PHF24: variants seen among roughly 807,000 people sequenced by gnomAD.
The protein encoded by PHF24 is PHD finger protein 24, also known as Galpha inhibitory interacting protein.
A neutral mutation model predicts 42.6 loss-of-function variants in PHF24; 25 were observed. The observed-to-expected ratio is 0.59, with a 90% confidence interval of 0.43 to 0.82. The LOEUF (loss-of-function observed/expected upper bound fraction) is 0.82. PHF24 is among the 40% of genes least tolerant of loss of function. The pLI is 0.00. For synonymous variants in PHF24, 185 were observed against 204.8 expected, an observed-to-expected ratio of 0.90 and a Z score of 0.83; for missense variants, 470 against 538.1, an observed-to-expected ratio of 0.87 and a Z score of 1.25.
chr9:34,977,175 A>G (rs1322397081), exon 6 of PHF24: 4 of 1,613,934 alleles, frequency 2.5e-6, no homozygotes, highest in Non-Finnish European at 3.4e-6. Context: ...TCAGTGAGGC[A>G]GAGTGCCGCC....
chr9:34,865,354 A>G, the PHF24 span, among the ~76,000 whole-genome samples: 2 of 150,950 alleles, frequency 1.3e-5, no homozygotes, highest in East Asian at 2.0e-4. Flanking sequence ...ACCTGAGGTC[A>G]GGAGTTTGAG....
At chr9:34,687,211 A>G in the PHF24 span, among the ~76,000 whole-genome samples, 2 of 152,280 alleles carry the variant, frequency 1.3e-5, no homozygotes, top group African/African-American at 4.8e-5. Flanking sequence ...TCCAGGGTCA[A>G]TTGAATCCAA....
chr9:34,978,071 G>A (rs945096374), exon 8 of PHF24: 5 of 1,614,114 alleles, frequency 3.1e-6, no homozygotes, highest in East Asian at 2.2e-5. Flanking sequence ...CTGGCTGCTC[G>A]CCCCAACAGC....
exon 2 of PHF24, chr9:34,971,311 A>T: frequency 6.2e-7 from 1 of 1,604,204 alleles, no homozygotes; most frequent in Non-Finnish European, 8.5e-7. Flanking sequence ...GGGGGTGTTG[A>T]TGTCCAAGCG....
At chr9:34,718,672 G>A in the PHF24 span, among the ~76,000 whole-genome samples, 10 of 152,228 alleles carry the variant, frequency 6.6e-5, no homozygotes, top group Non-Finnish European at 1.5e-4. Flanking sequence ...GGTGCAGGAA[G>A]CAGTGTCTCC....
chr9:34,967,045 T>A (rs951893161), intron 1 of PHF24, among the ~76,000 whole-genome samples: 2 of 147,958 alleles, frequency 1.4e-5, no homozygotes, highest in East Asian at 3.9e-4. Flanking sequence ...CCTAGCTAAA[T>A]TTTTTTTTTT....
upstream of PHF24, among the ~76,000 whole-genome samples, chr9:34,954,347 T>G (rs1826322712): frequency 6.6e-6 from 1 of 152,168 alleles, no homozygotes; most frequent in Non-Finnish European, 1.5e-5. Flanking sequence ...TTGCACCAAC[T>G]TTGGTTGGGT....
the PHF24 span, among the ~76,000 whole-genome samples, chr9:34,714,449 C>T: frequency 6.6e-6 from 1 of 152,220 alleles, no homozygotes; most frequent in South Asian, 2.1e-4. Context: ...TGCTTCCAAA[C>T]TTGGCTGCAC....
chr9:34,917,652 C>A, the PHF24 span: 1 of 778,720 alleles, frequency 1.3e-6, no homozygotes, highest in Non-Finnish European at 2.4e-6. Context: ...GGGCCTCAGA[C>A]TCCATATTAC....
At chr9:34,956,673 A>G (rs1826381485), upstream of PHF24, among the ~76,000 whole-genome samples, 1 of 152,238 alleles carries the variant, frequency 6.6e-6, no homozygotes, top group South Asian at 2.1e-4. Context: ...CTTACTAAAA[A>G]CAGTTCAGAG....
the PHF24 span, among the ~76,000 whole-genome samples, chr9:34,909,714 C>T: frequency 2.3e-4 from 35 of 152,012 alleles, no homozygotes; most frequent in African/African-American, 7.7e-4. Context: ...CTCCGCCTCC[C>T]GGGCTCACGC....
chr9:34,754,583 A>G, the PHF24 span, among the ~76,000 whole-genome samples: 1 of 152,154 alleles, frequency 6.6e-6, no homozygotes, highest in Non-Finnish European at 1.5e-5. Context: ...GTGGAGAAAA[A>G]GGAACCCTTG....
the PHF24 span, among the ~76,000 whole-genome samples, chr9:34,790,297 G>T: frequency 1.1e-4 from 16 of 152,230 alleles, no homozygotes; most frequent in African/African-American, 3.9e-4. Context: ...AGCATTTCTC[G>T]TGTAAGGTTG....
At chr9:34,884,015 C>T in the PHF24 span, among the ~76,000 whole-genome samples, 7 of 152,180 alleles carry the variant, frequency 4.6e-5, no homozygotes, top group Admixed American at 3.9e-4. Flanking sequence ...CACATATACA[C>T]CATGGAATAC....
At chr9:34,949,037 C>T in the PHF24 span, among the ~76,000 whole-genome samples, 5 of 152,122 alleles carry the variant, frequency 3.3e-5, no homozygotes, top group Non-Finnish European at 5.9e-5. Context: ...AAAGCATAAA[C>T]TAGTATTACT....
At chr9:34,814,027 T>G in the PHF24 span, among the ~76,000 whole-genome samples, 6 of 152,228 alleles carry the variant, frequency 3.9e-5, no homozygotes, top group Non-Finnish European at 7.3e-5. Context: ...CAAACCCTTC[T>G]CAAGTTACCA....
the PHF24 span, chr9:34,833,318 A>C: frequency 6.4e-7 from 1 of 1,551,344 alleles, no homozygotes; most frequent in Non-Finnish European, 8.7e-7. Context: ...GGGTTGTGAG[A>C]TCTTGGAGAC....
At chr9:34,884,989 A>G in the PHF24 span, among the ~76,000 whole-genome samples, 1 of 152,150 alleles carries the variant, frequency 6.6e-6, no homozygotes, top group Admixed American at 6.5e-5. Context: ...ACCCTAAACC[A>G]AGATGTGTGT....
chr9:34,922,937 C>T, the PHF24 span: 2 of 1,434,078 alleles, frequency 1.4e-6, no homozygotes, highest in Non-Finnish European at 1.9e-6. Flanking sequence ...GATGTTCCAG[C>T]AGTGGTCTCA....
Sources: allele counts gnomAD v4.1 joint callset (sites outside exome capture counted in the v4.1 genomes callset), GRCh38; gene constraint gnomAD v4.1.1; transcripts MANE v1.5; gene names NCBI Gene and HGNC (gene_info 2026-07-23, HGNC 2026-07-21).